THRB: variants seen among roughly 807,000 people sequenced by gnomAD.
The protein encoded by THRB is nuclear receptor subfamily 1 group A member 2.
THRB carries 12 observed loss-of-function variants against 47.8 expected under a neutral mutation model. The observed-to-expected ratio is 0.25, with a 90% CI of 0.16 to 0.41. The LOEUF (loss-of-function observed/expected upper bound fraction) is 0.41. Ranked by LOEUF, THRB falls within the 10% of genes least tolerant of loss-of-function variation. THRB has a pLI of 1.00. For synonymous variants in THRB, 218 were observed against 212.2 expected, an observed-to-expected ratio of 1.03 and a Z score of -0.24; for missense variants, 348 against 589.2, an observed-to-expected ratio of 0.59 and a Z score of 4.24.
At chr3:24,271,376 T>C (rs188455524) in intron 3 of THRB, among the ~76,000 whole-genome samples, 186 of 152,304 alleles carry the variant, frequency 1.2e-3, no homozygotes, top group Non-Finnish European at 1.4e-3. Context: ...GACTTGGACC[T>C]TTCTAGAATG....
intron 4 of THRB, among the ~76,000 whole-genome samples, chr3:24,219,013 T>A (rs1230554584): frequency 1.3e-5 from 2 of 152,210 alleles, no homozygotes; most frequent in African/African-American, 2.4e-5. Context: ...ATGCCTGTAA[T>A]TCCAGCACTT....
At chr3:24,422,457 T>C (rs1286931646) in intron 1 of THRB, among the ~76,000 whole-genome samples, 4 of 151,872 alleles carry the variant, frequency 2.6e-5, no homozygotes, top group Non-Finnish European at 5.9e-5. Flanking sequence ...GAACTTTACA[T>C]GAGGAAAATA....
At chr3:24,402,147 C>A (rs1218814585) in intron 1 of THRB, among the ~76,000 whole-genome samples, 1 of 152,044 alleles carries the variant, frequency 6.6e-6, no homozygotes, top group African/African-American at 2.4e-5. Context: ...AGGCTCCTGC[C>A]CTCAGCTTTG....
At chr3:24,164,470 G>A (rs1175770432) in intron 5 of THRB, among the ~76,000 whole-genome samples, 1 of 152,126 alleles carries the variant, frequency 6.6e-6, no homozygotes, top group Non-Finnish European at 1.5e-5. Context: ...GTTACAAATA[G>A]ATTCTTTACT....
intron 1 of THRB, among the ~76,000 whole-genome samples, chr3:24,411,457 T>C (rs1465473835): frequency 1.3e-5 from 2 of 151,694 alleles, no homozygotes; most frequent in Admixed American, 6.6e-5. Flanking sequence ...TTAAATCACA[T>C]GGCAAAGCAG....
intron 3 of THRB, among the ~76,000 whole-genome samples, chr3:24,276,571 A>G (rs2053933689): frequency 6.6e-6 from 1 of 152,240 alleles, no homozygotes; most frequent in East Asian, 1.9e-4. Context: ...ATGAATTTGA[A>G]AACTCTTAGC....
At chr3:24,186,864 G>A (rs1016103481) in intron 5 of THRB, among the ~76,000 whole-genome samples, 4 of 141,096 alleles carry the variant, frequency 2.8e-5, no homozygotes, top group Non-Finnish European at 6.0e-5. Context: ...AGAATTGCTT[G>A]AACCTGGGAG....
chr3:24,242,407 C>T (rs889305011), intron 3 of THRB, among the ~76,000 whole-genome samples: 2 of 151,990 alleles, frequency 1.3e-5, no homozygotes, highest in Admixed American at 6.6e-5. Context: ...GTACTTGTAC[C>T]GATGCAACAC....
chr3:24,494,893 C>G (rs1162944191), upstream of THRB: 1 of 152,410 alleles, frequency 6.6e-6, no homozygotes, highest in Admixed American at 6.5e-5. Context: ...CTCCTCCGCC[C>G]CCTCCTCCCG....
At chr3:24,215,561 AGATGACTTCACTGTAAAGAT>A (rs754729680) in intron 4 of THRB, among the ~76,000 whole-genome samples, 21 of 152,268 alleles carry the variant, frequency 1.4e-4, no homozygotes, top group Non-Finnish European at 2.6e-4. Flanking sequence ...TTAAACAAAA[AGATGACTTCACTGTAAAGAT>A]CAAGCCCTTC....
chr3:24,237,092 T>A (rs2048949926), intron 3 of THRB, among the ~76,000 whole-genome samples: 1 of 152,152 alleles, frequency 6.6e-6, no homozygotes, highest in African/African-American at 2.4e-5. Context: ...AAGAGGAACA[T>A]AAAACTCTGA....
At chr3:24,209,756 A>G (rs1241636550) in intron 4 of THRB, among the ~76,000 whole-genome samples, 1 of 152,212 alleles carries the variant, frequency 6.6e-6, no homozygotes, top group African/African-American at 2.4e-5. Context: ...GCACACCAAG[A>G]TGGCACATGT....
intron 1 of THRB, chr3:24,486,701 A>AT (rs1281205705): frequency 6.6e-6 from 1 of 152,222 alleles, no homozygotes; most frequent in Non-Finnish European, 1.5e-5. Flanking sequence ...CAAATCCCTT[A>AT]TAACTGCTAC....
At chr3:24,389,272 T>C (rs1347868595) in intron 1 of THRB, among the ~76,000 whole-genome samples, 1 of 152,158 alleles carries the variant, frequency 6.6e-6, no homozygotes, top group Non-Finnish European at 1.5e-5. Context: ...AACTTAGCAA[T>C]GCAGAGCAGG....
intron 3 of THRB, among the ~76,000 whole-genome samples, chr3:24,270,963 C>A (rs75577395): frequency 2.0e-5 from 3 of 152,182 alleles, no homozygotes; most frequent in East Asian, 3.9e-4. Flanking sequence ...AAGGCTCCCC[C>A]CCTTTCCAAA....
intron 4 of THRB, among the ~76,000 whole-genome samples, chr3:24,204,791 T>G (rs879665777): frequency 2.0e-5 from 3 of 152,092 alleles, no homozygotes; most frequent in Non-Finnish European, 4.4e-5. Flanking sequence ...CAATTACCAG[T>G]GTAGAGAAGT....
chr3:24,367,134 T>C (rs1356627520), intron 1 of THRB, among the ~76,000 whole-genome samples: 1 of 152,214 alleles, frequency 6.6e-6, no homozygotes, highest in Non-Finnish European at 1.5e-5. Context: ...TCAGAGTTAC[T>C]ACCTTCAAAG....
chr3:24,197,485 C>T (rs576057331), intron 4 of THRB, among the ~76,000 whole-genome samples: 1 of 152,268 alleles, frequency 6.6e-6, no homozygotes, highest in Non-Finnish European at 1.5e-5. Flanking sequence ...AAGAACTTAC[C>T]ATGTCCTCCT....
intron 4 of THRB, among the ~76,000 whole-genome samples, chr3:24,195,433 CT>C (rs1422011043): frequency 4.6e-5 from 7 of 152,262 alleles, no homozygotes; most frequent in Middle Eastern, 3.4e-3. Context: ...TTTGAAAGTT[CT>C]TTAGAAATTG....
Sources: allele counts gnomAD v4.1 joint callset (sites outside exome capture counted in the v4.1 genomes callset), GRCh38; gene constraint gnomAD v4.1.1; transcripts MANE v1.5; gene names NCBI Gene and HGNC (gene_info 2026-07-23, HGNC 2026-07-21).